The following CCSER2 variants were observed in gnomAD, a reference collection of about 807,000 sequenced individuals.
CCSER2 encodes the protein coiled-coil serine rich protein 2.
Under a neutral mutation model 92.3 loss-of-function variants are expected in CCSER2, and 46 were observed. The ratio of observed to expected loss-of-function variants is 0.50; its 90% CI spans 0.39 to 0.64. CCSER2 has a LOEUF of 0.64. CCSER2 is among the 30% of genes least tolerant of loss of function. The pLI is 0.00. For synonymous variants in CCSER2, 433 were observed against 431.4 expected (o/e 1.00, Z -0.04); for missense variants, 1,244 against 1,238.9 (o/e 1.00, Z -0.06).
intron 1 of CCSER2, among the ~76,000 whole-genome samples, chr10:84,329,178 A>G (rs999732201): frequency 1.3e-5 from 2 of 150,316 alleles, no homozygotes; most frequent in Non-Finnish European, 3.0e-5. Flanking sequence ...AATGAGTTCG[A>G]TTTTTTTTTT....
Position 84,513,222 on chromosome 10 carries a change from G to T in CCSER2, c.2326-227G>T, listed in dbSNP as rs567773862. On this transcript the variant is annotated intron_variant, in intron 9 of 9. Coordinates refer to ENST00000372088, the MANE Select transcript of CCSER2 (RefSeq NM_001284240.2). ...TGTTTTCTTTTTCTCATTTAATTTTGGATCTTGTTCAGTGTTTACTGCCTG... is the reference window on the plus strand; with the variant it reads ...TGTTTTCTTTTTCTCATTTAATTTTTGATCTTGTTCAGTGTTTACTGCCTG... Among the ~76,000 whole-genome samples, 20 of 151,794 alleles carry T rather than the reference G, an allele frequency of 1.3e-4. No homozygotes were observed. The South Asian group carries it at 4.2e-3, about 32-fold the overall frequency.
intron 1 of CCSER2, among the ~76,000 whole-genome samples, chr10:84,362,876 A>G (rs563252741): frequency 1.3e-5 from 2 of 152,006 alleles, no homozygotes; most frequent in Admixed American, 6.6e-5. Flanking sequence ...CACTCTTGTC[A>G]CCCAGGCTGG....
Position 84,328,639 on chromosome 10 carries a change from C to T in CCSER2, c.-209C>T, listed in dbSNP as rs1203355376. On this transcript the variant is annotated 5_prime_UTR_variant, in exon 1 of 10. Transcript: ENST00000372088. ...GGAGGGGGCGCGGCGGCTTTGGAGT[C>T]CGGCGCTCCCTCAGGCCGCGGACGC... 2 of 149,998 alleles carry T rather than the reference C, an allele frequency of 1.3e-5. No individual in the cohort carries two copies. Among genetic ancestry groups the T allele is most frequent in the South Asian group, 2.1e-4 (1 of 4,790 alleles). The allele number at this position is 149,998 out of a possible 1,614,324, so 9.3% of individuals were successfully genotyped here.
intron 3 of CCSER2, chr10:84,391,357 G>T (rs1162698747): frequency 1.9e-5 from 27 of 1,429,976 alleles, no homozygotes; most frequent in Non-Finnish European, 2.6e-5. Context: ...ACATTGAACA[G>T]CTGGTAGCCC....
At chr10:84,394,790 A>G (rs1481311685) in intron 3 of CCSER2, among the ~76,000 whole-genome samples, 1 of 152,196 alleles carries the variant, frequency 6.6e-6, no homozygotes, top group Non-Finnish European at 1.5e-5. Context: ...CACCCCACCT[A>G]TGTATGAGAC....
intron 1 of CCSER2, among the ~76,000 whole-genome samples, chr10:84,333,054 T>C (rs1236320578): frequency 6.6e-6 from 1 of 152,174 alleles, no homozygotes; most frequent in Non-Finnish European, 1.5e-5. Flanking sequence ...CAAAATAACC[T>C]AACTTTAATA....
intron 9 of CCSER2, among the ~76,000 whole-genome samples, chr10:84,505,725 T>C (rs993786286): frequency 8.5e-5 from 13 of 152,158 alleles, no homozygotes; most frequent in African/African-American, 2.2e-4. Context: ...ATTGGTTAAA[T>C]GACTAGAAAT....
At chr10:84,485,267 C>A (rs1399183519) in intron 9 of CCSER2, among the ~76,000 whole-genome samples, 1 of 152,058 alleles carries the variant, frequency 6.6e-6, no homozygotes, top group Non-Finnish European at 1.5e-5. Context: ...AGTAACTGTG[C>A]CATTTTATAA....
At chr10:84,498,603 C>G (rs1209475) in intron 9 of CCSER2, among the ~76,000 whole-genome samples, 129,779 of 152,180 alleles carry the variant, frequency 0.85, 55,410 homozygotes, top group East Asian at 0.9. Context: ...ATTTCAGACC[C>G]TTCATAAGAT....
chr10:84,462,560 ATTTC>A lies in CCSER2; in HGVS notation c.2065-1370_2065-1367del, dbSNP rs1261146350. 7.9e-5 allele frequency among the ~76,000 whole-genome samples: 12 copies of A among 152,162 alleles called. No individual in the cohort carries two copies. The East Asian group carries it at 2.1e-3, about 27-fold the overall frequency. The stretch of plus-strand genomic sequence containing the variant: ...CTGTAAAACTCACTTTACTTTCTTT[ATTTC>A]TTAATTTTTAAAAATGTGTTCCGAG... On this transcript the variant is annotated intron_variant, in intron 6 of 9. Transcript: ENST00000372088.
intron 4 of CCSER2, chr10:84,425,148 CT>C: frequency 2.0e-6 from 2 of 984,814 alleles, no homozygotes; most frequent in Non-Finnish European, 2.4e-6. Flanking sequence ...AAACTACTGG[CT>C]TTGTTTTCAG....
chr10:84,401,612 GAA>G (rs1842124361), intron 3 of CCSER2, among the ~76,000 whole-genome samples: 1 of 152,064 alleles, frequency 6.6e-6, no homozygotes. Flanking sequence ...AATTAATGAA[GAA>G]ATAACAGTAA....
intron 9 of CCSER2, among the ~76,000 whole-genome samples, chr10:84,503,596 T>C (rs1312606291): frequency 6.6e-6 from 1 of 152,230 alleles, no homozygotes; most frequent in African/African-American, 2.4e-5. Flanking sequence ...AAATAGCATT[T>C]CTTGCCAGAG....
intron 3 of CCSER2, chr10:84,391,908 A>G: frequency 1.5e-6 from 2 of 1,356,560 alleles, no homozygotes; most frequent in South Asian, 1.2e-5. Flanking sequence ...GGATTAACCC[A>G]AAAGATGATC....
At chr10:84,395,677 G>A (rs1841787848) in intron 3 of CCSER2, among the ~76,000 whole-genome samples, 1 of 152,148 alleles carries the variant, frequency 6.6e-6, no homozygotes, top group Non-Finnish European at 1.5e-5. Flanking sequence ...AGGAAAGTTG[G>A]TCTGTGGAAC....
Position 84,515,485 on chromosome 10 carries a change from A to T in CCSER2, c.*1218A>T, listed in dbSNP as rs1176975449. On this transcript the variant is annotated 3_prime_UTR_variant, in exon 10 of 10. Coordinates refer to ENST00000372088, the MANE Select transcript of CCSER2 (RefSeq NM_001284240.2). ...GAGACAGAGTCTTGCTCCATTGCCC[A>T]GGCTGGATTACAGTGGCGCAATCTC... The T allele has an allele frequency of 6.8e-6, 1 of 147,642 alleles. No homozygotes were observed. The highest frequency in any genetic ancestry group is 2.4e-5 in the African/African-American group (1 of 41,016). The allele number at this position is 147,642 out of a possible 1,614,324, so 9.1% of individuals were successfully genotyped here. A position where few individuals can be genotyped will look rare whatever the true frequency, so the allele number is the denominator to read the frequency against.
Position 84,425,721 on chromosome 10 carries a change from A to G in CCSER2, c.1706-10A>G. ...CATGTTTATAGTCTTTTGCTTTTGA[A>G]TCTGTCTAGTGGAGTGTGACAATAT... On this transcript the variant is annotated splice_polypyrimidine_tract_variant and intron_variant, in intron 4 of 9. Transcript: ENST00000372088. 6.4e-7 allele frequency: 1 copy of G among 1,573,562 alleles called. No homozygotes were observed. Among genetic ancestry groups the G allele is most frequent in the Non-Finnish European group, 8.6e-7 (1 of 1,156,634 alleles).
intron 6 of CCSER2, among the ~76,000 whole-genome samples, chr10:84,453,155 A>ATT (rs71914563): frequency 4.7e-5 from 7 of 148,474 alleles, no homozygotes; most frequent in Non-Finnish European, 7.5e-5. Context: ...ATTTTATTTC[A>ATT]TTTTTTTTTT....
intron 9 of CCSER2, among the ~76,000 whole-genome samples, chr10:84,490,390 AT>A (rs1300991747): frequency 6.6e-6 from 1 of 152,056 alleles, no homozygotes; most frequent in Non-Finnish European, 1.5e-5. Flanking sequence ...TCAGATGTAG[AT>A]TTGGTCTTTT....
Sources: allele counts gnomAD v4.1 joint callset (sites outside exome capture counted in the v4.1 genomes callset), GRCh38; gene constraint gnomAD v4.1.1; transcripts MANE v1.5; gene names NCBI Gene and HGNC (gene_info 2026-07-23, HGNC 2026-07-21).